Variants in NCLN observed in about 807,000 individuals in gnomAD.
NCLN encodes BOS complex subunit NCLN.
In NCLN, 34 loss-of-function variants were observed where a neutral mutation model predicts 69.5. The observed-to-expected ratio is 0.49, with a 90% CI of 0.37 to 0.65. The LOEUF (loss-of-function observed/expected upper bound fraction) is 0.65, where lower values mean the gene tolerates loss of function less well. Among genes scored for constraint, NCLN ranks in the 30% least tolerant of loss-of-function variants. The pLI is 0.00. For synonymous variants in NCLN, 393 were observed against 358.3 expected (o/e 1.10, Z -1.09); for missense variants, 710 against 804.8 (o/e 0.88, Z 1.42).
rs374091471 is a variant in NCLN, at chr19:3,206,333, G to A, written c.1407G>A (p.Val469=). 3 of 1,548,182 alleles carry A rather than the reference G, an allele frequency of 1.9e-6. No individual in the cohort carries two copies. Among genetic ancestry groups the A allele is most frequent in the African/African-American group, 1.4e-5 (1 of 72,996 alleles). ...ACCAGCCGCGGGCCGCGCAGCTGGTGGACAAGGACAGCACCTTCCTCAGCA... is the reference window on the plus strand; with the variant it reads ...ACCAGCCGCGGGCCGCGCAGCTGGTAGACAAGGACAGCACCTTCCTCAGCA... ...LTNQPRAAQL[V]DKDSTFLSTL... is the part of the protein sequence containing the mutation. The change falls in exon 12 of 15, where the codon GTG becomes GTA. Residue 469 remains valine (V), a synonymous_variant. Transcript: ENST00000246117.
rs913050287 is a variant in NCLN, at chr19:3,204,292, G to T, written c.1029+148G>T. 6 of 1,037,840 alleles carry T rather than the reference G, an allele frequency of 5.8e-6. No homozygotes were observed. The African/African-American group carries it at 8.2e-5, about 14-fold the overall frequency. The allele number at this position is 1,037,840 out of a possible 1,614,324, so 64.3% of individuals were successfully genotyped here. ...TGTCGGGGTCGGGCTGGGGTGTTCTGTCCTGGGGTGTCCTTGCTGTCCAAC... is the reference window on the plus strand; with the variant it reads ...TGTCGGGGTCGGGCTGGGGTGTTCTTTCCTGGGGTGTCCTTGCTGTCCAAC... On this transcript the variant is annotated intron_variant, in intron 8 of 14. Transcript: ENST00000246117.
chr19:3,191,659 C>T (rs961280009), intron 1 of NCLN, among the ~76,000 whole-genome samples: 2 of 152,240 alleles, frequency 1.3e-5, no homozygotes, highest in Non-Finnish European at 2.9e-5. Flanking sequence ...CCAGCCTGCC[C>T]TTGGCCTATT....
chr19:3,201,427 G>T, intron 5 of NCLN, 96 bp from the exon 6 acceptor site: 1 of 824,490 alleles, frequency 1.2e-6, no homozygotes, highest in Admixed American at 2.2e-5. Flanking sequence ...TAGGGTGGGG[G>T]TGACGGAGAG....
chr19:3,206,080 C>T, intron 10 of NCLN, 54 bp downstream of exon 10: 3 of 1,589,054 alleles, frequency 1.9e-6, no homozygotes, highest in Non-Finnish European at 2.6e-6. Flanking sequence ...TGCCCCCGGC[C>T]CCGGCCCCAC....
intron 4 of NCLN, among the ~76,000 whole-genome samples, chr19:3,198,067 C>T (rs1207267801): frequency 6.6e-6 from 1 of 152,224 alleles, no homozygotes; most frequent in Non-Finnish European, 1.5e-5. Flanking sequence ...GGCCCCCGGG[C>T]TAGAGCAGAA....
chr19:3,204,863 G>C, intron 9 of NCLN, 112 bp downstream of exon 9: 2 of 1,175,566 alleles, frequency 1.7e-6, no homozygotes, highest in Non-Finnish European at 2.2e-6. Context: ...CCACACACAG[G>C]CTGCGAGGAA....
chr19:3,205,931 T>C lies in NCLN; in HGVS notation c.1209-8T>C, dbSNP rs768780548. 1.2e-6 allele frequency: 2 copies of C among 1,613,564 alleles called. No individual in the cohort carries two copies. The highest frequency in any genetic ancestry group is 1.7e-6 in the Non-Finnish European group (2 of 1,179,838). ...CACATTTTAAAACATTGTTTTTGAA[T>C]CGTGAAGGTCCCGGGTGGATTCTAA... On this transcript the variant is annotated splice_region_variant and splice_polypyrimidine_tract_variant and intron_variant, in intron 9 of 14. Transcript: ENST00000246117. The surrounding 1 kb of genome is among the most constrained non-coding windows in gnomAD (Gnocchi z 4.6).
At chr19:3,194,246 G>A (rs1378136891) in intron 3 of NCLN, among the ~76,000 whole-genome samples, 1 of 152,200 alleles carries the variant, frequency 6.6e-6, no homozygotes, top group Non-Finnish European at 1.5e-5. Flanking sequence ...AGCCGGGCGC[G>A]GTGGCAGGTG....
intron 1 of NCLN, among the ~76,000 whole-genome samples, chr19:3,190,001 G>A (rs1041916196): frequency 6.6e-6 from 1 of 152,172 alleles, no homozygotes; most frequent in Non-Finnish European, 1.5e-5. Flanking sequence ...CTCCCTCCTC[G>A]CTCACTCCCT....
intron 6 of NCLN, among the ~76,000 whole-genome samples, chr19:3,202,167 G>T (rs762250489): frequency 6.6e-6 from 1 of 152,030 alleles, no homozygotes; most frequent in Non-Finnish European, 1.5e-5. Context: ...CATCTGCCCC[G>T]CTGAGGTCCC....
Position 3,205,853 on chromosome 19 carries a change from G to C in NCLN, c.1209-86G>C, listed in dbSNP as rs765605964. The C allele has an allele frequency of 2.5e-6, 3 of 1,202,882 alleles. No homozygotes were observed. Among genetic ancestry groups the C allele is most frequent in the Non-Finnish European group, 3.7e-6 (3 of 816,022 alleles). The allele number at this position is 1,202,882 out of a possible 1,614,324, so 74.5% of individuals were successfully genotyped here. A position where few individuals can be genotyped will look rare whatever the true frequency, so the allele number is the denominator to read the frequency against. On this transcript the variant is annotated intron_variant, in intron 9 of 14. Coordinates refer to ENST00000246117, the MANE Select transcript of NCLN (RefSeq NM_020170.4). The surrounding 1 kb of genome is among the most constrained non-coding windows in gnomAD (Gnocchi z 4.6). ...AAAGACAGAGTCTCACGGTCTCCTA[G>C]GCTGGAGTGCTGGGATTACAAGTGT...
rs1229689719 is a variant in NCLN, at chr19:3,206,283, G to C, written c.1357G>C (p.Asp453His). The change falls in exon 12 of 15, where the codon GAC (aspartate) becomes CAC (histidine). Residue 453 changes from aspartate to histidine, a missense_variant. Asp to His is a moderately conservative substitution (Grantham distance 81, BLOSUM62 -1). Coordinates refer to ENST00000246117, the MANE Select transcript of NCLN (RefSeq NM_020170.4). ...ACAGCAGATCCAGCAGGAGCAGCTG[G>C]ACTCGGTGATGGACTGGCTCACCAA... ...EQMQIQQEQL[D>H]SVMDWLTNQP... is the part of the protein sequence containing the mutation. The C allele has an allele frequency of 6.5e-7, 1 of 1,547,812 alleles. No individual in the cohort carries two copies. The highest frequency in any genetic ancestry group is 2.0e-5 in the Admixed American group (1 of 50,974).
At chr19:3,196,426 C>A (rs1205965511) in intron 4 of NCLN, 149 bp downstream of exon 4, 2 of 610,954 alleles carry the variant, frequency 3.3e-6, no homozygotes, top group Non-Finnish European at 5.7e-6. Flanking sequence ...CCTCCTGTGG[C>A]TCCGCTGGCA....
At chr19:3,195,416 A>G (rs1915930524) in intron 3 of NCLN, among the ~76,000 whole-genome samples, 1 of 151,516 alleles carries the variant, frequency 6.6e-6, no homozygotes, top group South Asian at 2.1e-4. Context: ...CGCCCAGCTA[A>G]TTTTTTGTAT....
intron 4 of NCLN, among the ~76,000 whole-genome samples, chr19:3,196,870 G>A (rs1316355801): frequency 1.3e-5 from 2 of 152,250 alleles, no homozygotes; most frequent in African/African-American, 2.4e-5. Flanking sequence ...CCTGCGGGAC[G>A]GCGCCGGTGA....
intron 6 of NCLN, 24 bp from the exon 7 acceptor site, chr19:3,203,732 C>T: frequency 6.3e-7 from 1 of 1,598,686 alleles, no homozygotes; most frequent in South Asian, 1.1e-5. Context: ...CCCGTCAAAG[C>T]TAACACTGGG....
At chr19:3,198,681 G>A (rs1337017232) in intron 4 of NCLN, 136 bp from the exon 5 acceptor site, 3 of 574,230 alleles carry the variant, frequency 5.2e-6, no homozygotes, top group Non-Finnish European at 8.8e-6. Context: ...ACCTCCTGTG[G>A]TCCTCAGTGC....
At chr19:3,199,967 T>C (rs1414322753) in intron 5 of NCLN, among the ~76,000 whole-genome samples, 1 of 152,066 alleles carries the variant, frequency 6.6e-6, no homozygotes, top group African/African-American at 2.4e-5. Context: ...CCCAAAGTGC[T>C]CGGATTACAG....
In NCLN at chr19:3,205,835, G is replaced by A; in HGVS notation, c.1209-104G>A. 1 of 937,352 alleles carries A rather than the reference G, an allele frequency of 1.1e-6. No individual in the cohort carries two copies. Among genetic ancestry groups the A allele is most frequent in the Non-Finnish European group, 1.7e-6 (1 of 602,374 alleles). 58.1% of individuals were successfully genotyped at this position (937,352 alleles called of 1,614,324 possible). Reference sequence around the variant, plus strand: ...TAATTTTTTTTTTTTTTTAAAGACAGAGTCTCACGGTCTCCTAGGCTGGAG... The same window carrying A: ...TAATTTTTTTTTTTTTTTAAAGACAAAGTCTCACGGTCTCCTAGGCTGGAG... On this transcript the variant is annotated intron_variant, in intron 9 of 14. Transcript: ENST00000246117. This position sits in a 1 kb window ranked among gnomAD's most constrained non-coding sequence, Gnocchi z 4.6.
Sources: gnomAD v4.1 joint callset for allele counts (sites outside exome capture counted in the v4.1 genomes callset) on GRCh38, gnomAD v4.1.1 for gene constraint, Gnocchi (gnomAD v3.1) non-coding constraint, MANE v1.5 for transcripts, NCBI Gene and HGNC (gene_info 2026-07-23, HGNC 2026-07-21) for gene names.